SPIDR: variants seen among roughly 807,000 people sequenced by gnomAD.
SPIDR encodes DNA repair-scaffolding protein.
Under a neutral mutation model 104.6 loss-of-function variants are expected in SPIDR, and 93 were observed. That is an observed-to-expected ratio of 0.89 (90% CI 0.75 to 1.06). SPIDR has a LOEUF of 1.06. Ranked by LOEUF, SPIDR falls within the 50% of genes least tolerant of loss-of-function variation. SPIDR has a pLI of 0.00. For synonymous variants in SPIDR, 431 were observed against 416.9 expected (o/e 1.03, Z -0.41); for missense variants, 1,154 against 1,111.2 (o/e 1.04, Z -0.55).
intron 14 of SPIDR, among the ~76,000 whole-genome samples, chr8:47,712,456 C>G (rs1361621948): frequency 6.6e-6 from 1 of 152,128 alleles, no homozygotes. Flanking sequence ...CTGTTCCCAA[C>G]CAAGGAAGCC....
chr8:47,537,975 G>A (rs936383320), intron 8 of SPIDR, among the ~76,000 whole-genome samples: 1 of 152,088 alleles, frequency 6.6e-6, no homozygotes, highest in Admixed American at 6.5e-5. Context: ...TCAGGAGTTC[G>A]AGACCAGCCT....
intron 10 of SPIDR, among the ~76,000 whole-genome samples, chr8:47,626,227 A>T (rs2066080684): frequency 6.6e-6 from 1 of 152,236 alleles, no homozygotes. Flanking sequence ...CACCTTATAC[A>T]CAAATTAATT....
intron 8 of SPIDR, among the ~76,000 whole-genome samples, chr8:47,580,242 T>C (rs2059573806): frequency 6.6e-6 from 1 of 152,194 alleles, no homozygotes; most frequent in South Asian, 2.1e-4. Context: ...TAATAGGTTT[T>C]GAGTAAGTAA....
chr8:47,313,397 T>G (rs1224337969), intron 5 of SPIDR, among the ~76,000 whole-genome samples: 1 of 152,104 alleles, frequency 6.6e-6, no homozygotes, highest in African/African-American at 2.4e-5. Context: ...AAACCACTGC[T>G]CAATGAAATA....
At chr8:47,483,138 G>GT (rs1479672958) in intron 8 of SPIDR, among the ~76,000 whole-genome samples, 8 of 150,896 alleles carry the variant, frequency 5.3e-5, no homozygotes, top group Non-Finnish European at 1.0e-4. Flanking sequence ...GTTTTTTTTT[G>GT]TTTGTTTTGT....
intron 10 of SPIDR, among the ~76,000 whole-genome samples, chr8:47,649,269 A>C (rs375934538): frequency 6.6e-6 from 1 of 151,648 alleles, no homozygotes; most frequent in African/African-American, 2.4e-5. Context: ...AGTGGGAAGA[A>C]TGCAAAAAAA....
At chr8:47,273,446 A>T (rs1323539099) in intron 1 of SPIDR, among the ~76,000 whole-genome samples, 2 of 152,204 alleles carry the variant, frequency 1.3e-5, no homozygotes, top group African/African-American at 4.8e-5. Context: ...GAAGAGATGG[A>T]TAGAGTAAGA....
chr8:47,265,856 A>C (rs551292205), intron 1 of SPIDR, among the ~76,000 whole-genome samples: 103 of 152,298 alleles, frequency 6.8e-4, no homozygotes, highest in Non-Finnish European at 1.3e-3. Context: ...TGGTTCACAG[A>C]CAGCCATATT....
chr8:47,465,335 A>G (rs1554716305), intron 8 of SPIDR, among the ~76,000 whole-genome samples: 2 of 151,818 alleles, frequency 1.3e-5, no homozygotes, highest in African/African-American at 4.8e-5. Context: ...AACTACCATC[A>G]TGATGACAGG....
chr8:47,448,521 G>A (rs2071107067), intron 8 of SPIDR, among the ~76,000 whole-genome samples: 1 of 152,170 alleles, frequency 6.6e-6, no homozygotes, highest in Non-Finnish European at 1.5e-5. Context: ...GAAGAGAAAA[G>A]TAATATAAAC....
intron 6 of SPIDR, among the ~76,000 whole-genome samples, chr8:47,404,906 A>G (rs1479679114): frequency 2.6e-5 from 4 of 152,226 alleles, no homozygotes; most frequent in African/African-American, 4.8e-5. Context: ...ATTGACACGT[A>G]TGTTTATTGT....
chr8:47,654,852 A>T (rs566321362), intron 10 of SPIDR, among the ~76,000 whole-genome samples: 119 of 152,144 alleles, frequency 7.8e-4, no homozygotes, highest in African/African-American at 2.7e-3. Flanking sequence ...CATTAGGTAT[A>T]TCTCCTAATG....
chr8:47,404,933 G>A (rs1033647484), intron 6 of SPIDR, among the ~76,000 whole-genome samples: 4 of 152,176 alleles, frequency 2.6e-5, no homozygotes, highest in Non-Finnish European at 4.4e-5. Flanking sequence ...ATTCACAATA[G>A]CCAAGACTTG....
At chr8:47,702,098 T>TCTCTCACACAC (rs1563597873) in intron 14 of SPIDR, 83 bp downstream of exon 14, 2 of 62,940 alleles carry the variant, frequency 3.2e-5, no homozygotes, top group Admixed American at 2.6e-4. Flanking sequence ...CTCTCTCTCT[T>TCTCTCACACAC]ACACACACAC....
At chr8:47,664,911 A>C (rs555891102) in intron 10 of SPIDR, among the ~76,000 whole-genome samples, 160 of 152,072 alleles carry the variant, frequency 1.1e-3, no homozygotes, top group Non-Finnish European at 1.3e-3. Context: ...AAAAAAAGAA[A>C]TTAAGATTAT....
chr8:47,313,166 C>T, intron 5 of SPIDR, among the ~76,000 whole-genome samples: 1 of 152,304 alleles, frequency 6.6e-6, no homozygotes, highest in Non-Finnish European at 1.5e-5. Context: ...AAAACACCAT[C>T]ATCTCAGCCC....
At chr8:47,719,326 G>A (rs972335816) in intron 16 of SPIDR, among the ~76,000 whole-genome samples, 1 of 152,084 alleles carries the variant, frequency 6.6e-6, no homozygotes, top group Non-Finnish European at 1.5e-5. Flanking sequence ...GGCTAACACA[G>A]TGAAACCCTG....
rs780811205 is a variant in SPIDR at position 47,595,883 on chromosome 8, C to CCTTT, written c.1170_1171insCTTT (p.Lys391LeufsTer2). 6.2e-7 allele frequency: 1 copy of CCTTT among 1,614,118 alleles called. No individual in the cohort carries two copies. Among genetic ancestry groups the CCTTT allele is most frequent in the East Asian group, 2.2e-5 (1 of 44,892 alleles). On this transcript the variant is annotated frameshift_variant, in exon 9 of 20. Coordinates refer to ENST00000297423, the MANE Select transcript of SPIDR (RefSeq NM_001080394.4). LOFTEE classifies it high-confidence loss of function. Reference sequence around the variant, plus strand: ...CTTACTTTTGTGAGAAAGTTGTTGCCAAAGAAGATTCAGAAAAAACTTGTG... The same window carrying CCTTT: ...CTTACTTTTGTGAGAAAGTTGTTGCCCTTTAAAGAAGATTCAGAAAAAACTTGTG...
At chr8:47,614,211 CT>C (rs910937022) in intron 10 of SPIDR, among the ~76,000 whole-genome samples, 29 of 147,988 alleles carry the variant, frequency 2.0e-4, no homozygotes, top group African/African-American at 2.0e-4. Context: ...CTCGTTCCTT[CT>C]TTTTTTTTTT....
Sources: gnomAD v4.1 joint callset for allele counts (sites outside exome capture counted in the v4.1 genomes callset) on GRCh38, gnomAD v4.1.1 for gene constraint, MANE v1.5 for transcripts, NCBI Gene and HGNC (gene_info 2026-07-23, HGNC 2026-07-21) for gene names.